CFAP299: variants seen among roughly 807,000 people sequenced by gnomAD.
CFAP299 encodes cilia and flagella associated protein 299.
A neutral mutation model predicts 27.0 loss-of-function variants in CFAP299; 21 were observed. That is an observed-to-expected ratio of 0.78 (90% CI 0.55 to 1.12). CFAP299 has a LOEUF of 1.12. Among genes scored for constraint, CFAP299 ranks in the 50% most tolerant of loss-of-function variants. CFAP299 has a pLI of 0.00. For missense variants in CFAP299, 310 were observed against 276.6 expected, an observed-to-expected ratio of 1.12 and a Z score of -0.86; for synonymous variants, 104 against 98.1, an observed-to-expected ratio of 1.06 and a Z score of -0.36.
intron 3 of CFAP299, among the ~76,000 whole-genome samples, chr4:80,799,820 T>TATCA (rs1728249286): frequency 5.5e-5 from 2 of 36,514 alleles, no homozygotes; most frequent in African/African-American, 1.3e-4. Context: ...AATATATATA[T>TATCA]TATATATATT....
At chr4:80,919,350 A>G (rs1445216335) in intron 4 of CFAP299, among the ~76,000 whole-genome samples, 1 of 152,170 alleles carries the variant, frequency 6.6e-6, no homozygotes, top group African/African-American at 2.4e-5. Context: ...TTCAACTCAT[A>G]GAACAAATGT....
At position 80,442,575 on chromosome 4, in the gene CFAP299, A is replaced by G. The variant is rs535568709; in HGVS notation, c.242+79691A>G. ...TAAAGCAGTGTTTAGAGGGAAATTTATAGTACTAAATGCCCACATGAGAAA... is the reference window on the plus strand; with the variant it reads ...TAAAGCAGTGTTTAGAGGGAAATTTGTAGTACTAAATGCCCACATGAGAAA... On this transcript the variant is annotated intron_variant, in intron 2 of 5. Transcript: ENST00000358105. 1.5e-4 allele frequency among the ~76,000 whole-genome samples: 23 copies of G among 152,350 alleles called. No homozygotes were observed. In the South Asian group the frequency reaches 4.6e-3, roughly 30 times the overall value.
intron 3 of CFAP299, among the ~76,000 whole-genome samples, chr4:80,716,567 C>A (rs1457409208): frequency 6.6e-6 from 1 of 151,998 alleles, no homozygotes; most frequent in African/African-American, 2.4e-5. Flanking sequence ...TTGTATGCAT[C>A]GTTGTTCTTC....
rs1383104115 is a variant in CFAP299, at chr4:80,746,207, C to A, written c.334-123786C>A. 3.3e-5 allele frequency among the ~76,000 whole-genome samples: 5 copies of A among 151,972 alleles called. No homozygotes were observed. The South Asian group carries it at 8.3e-4, about 25-fold the overall frequency. ...CACCTAGACCCAGTTTATTCATAAG[C>A]CAAGGGCCACCTTCTACTTTAGAGA... On this transcript the variant is annotated intron_variant, in intron 3 of 5. Coordinates refer to ENST00000358105, the MANE Select transcript of CFAP299 (RefSeq NM_152770.3).
chr4:80,631,432 T>G (rs1739199562), intron 3 of CFAP299, among the ~76,000 whole-genome samples: 1 of 152,110 alleles, frequency 6.6e-6, no homozygotes, highest in African/African-American at 2.4e-5. Context: ...TTGGTAAATA[T>G]TCAAACTAAA....
chr4:80,952,926 A>C (rs1271112030), intron 5 of CFAP299, among the ~76,000 whole-genome samples: 1 of 152,134 alleles, frequency 6.6e-6, no homozygotes, highest in Non-Finnish European at 1.5e-5. Context: ...ATAGCCTTGA[A>C]ATTGATCTTC....
intron 2 of CFAP299, among the ~76,000 whole-genome samples, chr4:80,582,672 A>T (rs1416628942): frequency 6.6e-6 from 1 of 151,884 alleles, no homozygotes; most frequent in African/African-American, 2.4e-5. Flanking sequence ...CATAGAGCTA[A>T]AATTAATGCT....
chr4:80,548,587 A>G (rs1323798056), intron 2 of CFAP299, among the ~76,000 whole-genome samples: 5 of 152,160 alleles, frequency 3.3e-5, no homozygotes, highest in African/African-American at 9.7e-5. Context: ...ATATCTGCCT[A>G]CATAACAGAT....
chr4:80,685,517 A>T (rs1455735982), intron 3 of CFAP299, among the ~76,000 whole-genome samples: 1 of 151,514 alleles, frequency 6.6e-6, no homozygotes, highest in Non-Finnish European at 1.5e-5. Flanking sequence ...CTATAGGTCA[A>T]GTAAAGAGCT....
intron 2 of CFAP299, among the ~76,000 whole-genome samples, chr4:80,521,360 T>C (rs558532001): frequency 6.6e-6 from 1 of 152,338 alleles, no homozygotes; most frequent in African/African-American, 2.4e-5. Flanking sequence ...ATGTCAGTGG[T>C]ATCTGTTTCT....
At chr4:80,329,208 C>CACACATATATATATAT in the CFAP299 span, among the ~76,000 whole-genome samples, 14 of 136,042 alleles carry the variant, frequency 1.0e-4, no homozygotes, top group African/African-American at 3.7e-4. Context: ...ACACTGTATA[C>CACACATATATATATAT]ATATATATAT....
chr4:80,493,125 TAAG>T (rs1320160270), intron 2 of CFAP299, among the ~76,000 whole-genome samples: 1 of 152,188 alleles, frequency 6.6e-6, no homozygotes, highest in Admixed American at 6.5e-5. Context: ...TTAAGGTGTA[TAAG>T]GTGTATATAA....
intron 3 of CFAP299, among the ~76,000 whole-genome samples, chr4:80,704,493 T>G (rs1721705393): frequency 6.6e-6 from 1 of 151,760 alleles, no homozygotes. Context: ...ATAGAGATGA[T>G]GCAAGTTGCA....
chr4:80,499,183 C>T (rs913775877), intron 2 of CFAP299, among the ~76,000 whole-genome samples: 1 of 152,080 alleles, frequency 6.6e-6, no homozygotes, highest in Admixed American at 6.6e-5. Context: ...TATCAAACCC[C>T]TACAACATGA....
At chr4:80,872,958 A>C in intron 4 of CFAP299, 3 of 974,672 alleles carry the variant, frequency 3.1e-6, no homozygotes, top group Non-Finnish European at 3.7e-6. Flanking sequence ...GTCAGAAATC[A>C]GAAGTTCTGA....
chr4:80,924,547 T>C (rs950962294), intron 4 of CFAP299, among the ~76,000 whole-genome samples: 1 of 147,828 alleles, frequency 6.8e-6, no homozygotes, highest in African/African-American at 2.5e-5. Context: ...TGTATATATA[T>C]ATATATATAT....
At chr4:80,534,396 T>C (rs1733627873) in intron 2 of CFAP299, among the ~76,000 whole-genome samples, 1 of 151,740 alleles carries the variant, frequency 6.6e-6, no homozygotes, top group South Asian at 2.1e-4. Context: ...TACCACATAG[T>C]TCTATACAGA....
At chr4:80,857,463 A>C (rs1731987074) in intron 3 of CFAP299, among the ~76,000 whole-genome samples, 1 of 152,074 alleles carries the variant, frequency 6.6e-6, no homozygotes, top group Non-Finnish European at 1.5e-5. Context: ...GTGGTGAGAG[A>C]GGGCATCCCT....
At chr4:80,328,562 A>G in the CFAP299 span, among the ~76,000 whole-genome samples, 1 of 151,966 alleles carries the variant, frequency 6.6e-6, no homozygotes, top group Non-Finnish European at 1.5e-5. Context: ...GAGAAGGAAG[A>G]TGACAATTTT....
Sources: gnomAD v4.1 joint callset for allele counts (sites outside exome capture counted in the v4.1 genomes callset) on GRCh38, gnomAD v4.1.1 for gene constraint, MANE v1.5 for transcripts, NCBI Gene and HGNC (gene_info 2026-07-23, HGNC 2026-07-21) for gene names.